The following HMCN2 variants were observed in gnomAD, a reference collection of about 807,000 sequenced individuals.
HMCN2 encodes hemicentin-2.
A neutral mutation model predicts 377.5 loss-of-function variants in HMCN2; 325 were observed. That is an observed-to-expected ratio of 0.86 (90% CI 0.79 to 0.94). HMCN2 has a LOEUF of 0.94. Ranked by LOEUF, HMCN2 falls within the 40% of genes least tolerant of loss-of-function variation. HMCN2 has a pLI of 0.00. For missense variants in HMCN2, 4,543 were observed against 4,725.3 expected (o/e 0.96, Z 1.13); for synonymous variants, 2,007 against 2,046.8 (o/e 0.98, Z 0.53).
Position 130,402,115 on chromosome 9 carries a change from G to A in HMCN2, c.11771-674G>A, listed in dbSNP as rs370891749. Among the ~76,000 whole-genome samples, 9 of 152,218 alleles carry A rather than the reference G, an allele frequency of 5.9e-5. No homozygotes were observed. In the South Asian group the frequency reaches 1.0e-3, roughly 18 times the overall value. The stretch of plus-strand genomic sequence containing the variant: ...AAACAAAAACTTCTTTCCAATAAGT[G>A]TAATAAGTGGTAACAGCAAAGTCCA... On this transcript the variant is annotated intron_variant, in intron 77 of 97. Transcript: ENST00000683500.
intron 85 of HMCN2, among the ~76,000 whole-genome samples, chr9:130,410,907 C>A (rs1843372559): frequency 6.6e-6 from 1 of 152,160 alleles, no homozygotes; most frequent in South Asian, 2.1e-4. Flanking sequence ...CCGTCAAGAT[C>A]ACCGCGACAG....
At chr9:130,384,279 G>A (rs1227496657) in intron 57 of HMCN2, 94 bp from the exon 58 acceptor site, 1 of 1,061,866 alleles carries the variant, frequency 9.4e-7, no homozygotes, top group Non-Finnish European at 1.2e-6. Flanking sequence ...GAAGCCCCAG[G>A]AGCTGGGTGA....
Position 130,423,200 on chromosome 9 carries a change from C to T in HMCN2, c.13381+474C>T, listed in dbSNP as rs1844119841. On this transcript the variant is annotated intron_variant, in intron 87 of 97. Transcript: ENST00000683500. The surrounding 1 kb of genome is among the most constrained non-coding windows in gnomAD (Gnocchi z 5.5). ...AACCTAGAGGACTAAGAAGAGTCACCTGCACACAGAGCTCTCATGTACGGT... is the reference window on the plus strand; with the variant it reads ...AACCTAGAGGACTAAGAAGAGTCACTTGCACACAGAGCTCTCATGTACGGT... 6.6e-6 allele frequency among the ~76,000 whole-genome samples: 1 copy of T among 152,156 alleles called. No homozygotes were observed. Among genetic ancestry groups the T allele is most frequent in the Non-Finnish European group, 1.5e-5 (1 of 68,026 alleles).
In HMCN2 at chr9:130,386,434, C is replaced by G; in HGVS notation, c.9310-9C>G. ...AGCACACAGCCACTGTGTGCTCTTC[C>G]TCTTTCAGGTATCGGATAAAGGTTT... On this transcript the variant is annotated splice_polypyrimidine_tract_variant and intron_variant, in intron 60 of 97. Coordinates refer to ENST00000683500, the MANE Select transcript of HMCN2 (RefSeq NM_001291815.2). The G allele has an allele frequency of 1.5e-6, 2 of 1,302,680 alleles. No homozygotes were observed. The highest frequency in any genetic ancestry group is 5.6e-5 in the East Asian group (1 of 18,018). 80.7% of individuals were successfully genotyped at this position (1,302,680 alleles called of 1,614,324 possible). A position where few individuals can be genotyped will look rare whatever the true frequency, so the allele number is the denominator to read the frequency against.
In HMCN2 at chr9:130,393,205, G is replaced by T; in HGVS notation, c.10137-7G>T. On this transcript the variant is annotated splice_region_variant and splice_polypyrimidine_tract_variant and intron_variant, in intron 66 of 97. Transcript: ENST00000683500. This position sits in a 1 kb window ranked among gnomAD's most constrained non-coding sequence, Gnocchi z 5.2. ...TCTCCTTCTCCCTCTCCTCTCGGGG[G>T]ATTCAGGATTTCCAAGGTGCAATTG... The T allele has an allele frequency of 1.0e-6, 1 of 987,968 alleles. No individual in the cohort carries two copies. The highest frequency in any genetic ancestry group is 1.2e-6 in the Non-Finnish European group (1 of 830,180). The allele number at this position is 987,968 out of a possible 1,614,324, so 61.2% of individuals were successfully genotyped here. A position where few individuals can be genotyped will look rare whatever the true frequency, so the allele number is the denominator to read the frequency against.
Position 130,425,907 on chromosome 9 carries a change from C to A in HMCN2, c.13862C>A (p.Ala4621Asp). Residue 4621 changes from alanine to aspartate, a missense_variant, in exon 90 of 98, where the codon GCT becomes GAT. Ala to Asp is a moderately radical substitution (Grantham distance 126). This residue lies in a region of HMCN2 where 1,155 missense variants were observed against 1,157.7 expected (regional missense o/e 1.00). Coordinates refer to ENST00000683500, the MANE Select transcript of HMCN2 (RefSeq NM_001291815.2). ...PEAEALRFQL[A>D]TALQAEENEV... is the part of the protein sequence containing the mutation. The stretch of plus-strand genomic sequence containing the variant: ...GCCGAGGCCCTGCGCTTCCAGCTCG[C>A]TACAGCCCTGCAGGCGGGTGAGGCC... 2 of 1,548,766 alleles carry A rather than the reference C, an allele frequency of 1.3e-6. No individual in the cohort carries two copies. Among genetic ancestry groups the A allele is most frequent in the Non-Finnish European group, 1.7e-6 (2 of 1,146,724 alleles).
intron 85 of HMCN2, among the ~76,000 whole-genome samples, chr9:130,416,238 G>A (rs1210917821): frequency 6.6e-6 from 1 of 151,586 alleles, no homozygotes; most frequent in East Asian, 1.9e-4. Context: ...CCAAATAGCT[G>A]GGATTACAGG....
chr9:130,307,534 G>C lies in HMCN2; in HGVS notation c.2168G>C (p.Gly723Ala), dbSNP rs782650222. 1.0e-4 allele frequency: 49 copies of C among 471,192 alleles called. No homozygotes were observed. Among genetic ancestry groups the C allele is most frequent in the South Asian group, 7.3e-4 (47 of 64,564 alleles). The allele number at this position is 471,192 out of a possible 1,614,324, so 29.2% of individuals were successfully genotyped here. ...GCTGTGTTGGTGTGTGAGGCATCTGGGGTTCCCCCGCCCCGAGTCATCTGG... is the reference window on the plus strand; with the variant it reads ...GCTGTGTTGGTGTGTGAGGCATCTGCGGTTCCCCCGCCCCGAGTCATCTGG... ...EEAVLVCEAS[G>A]VPPPRVIWYR... The change falls in exon 14 of 98, where the codon GGG becomes GCG. Residue 723 changes from glycine (G) to alanine (A), a missense_variant. Coordinates refer to ENST00000683500, the MANE Select transcript of HMCN2 (RefSeq NM_001291815.2).
Position 130,394,137 on chromosome 9 carries a change from T to G in HMCN2, c.10501+129T>G. On this transcript the variant is annotated intron_variant, in intron 68 of 97. Coordinates refer to ENST00000683500, the MANE Select transcript of HMCN2 (RefSeq NM_001291815.2). The surrounding 1 kb of genome is among the most constrained non-coding windows in gnomAD (Gnocchi z 5.1). ...TGGGACTGCCACCTGGGAGCAGAAC[T>G]CAGGGAACTTGGTTCTGGCTGGGAT... 1 of 915,544 alleles carries G rather than the reference T, an allele frequency of 1.1e-6. No individual in the cohort carries two copies. Among genetic ancestry groups the G allele is most frequent in the Non-Finnish European group, 1.4e-6 (1 of 693,842 alleles). The allele number at this position is 915,544 out of a possible 1,614,324, so 56.7% of individuals were successfully genotyped here. A position where few individuals can be genotyped will look rare whatever the true frequency, so the allele number is the denominator to read the frequency against.
At chr9:130,431,507 C>T (rs1477798917) in intron 96 of HMCN2, 21 bp downstream of exon 96, 32 of 1,545,544 alleles carry the variant, frequency 2.1e-5, no homozygotes, top group East Asian at 4.9e-5. Flanking sequence ...CTCAGGCCGC[C>T]GCCCAAACAC....
At position 130,295,034 on chromosome 9, in the gene HMCN2, C is replaced by G. The variant is rs1554931510; in HGVS notation, c.784+8C>G. On this transcript the variant is annotated splice_region_variant and intron_variant, in intron 5 of 97. Transcript: ENST00000683500. ...AAGTCCAAGATCCGCTGGGTATGGA[C>G]CACCCCGGGGCTGGCCTCCTCTTTG... 1 of 462,450 alleles carries G rather than the reference C, an allele frequency of 2.2e-6. No individual in the cohort carries two copies. The highest frequency in any genetic ancestry group is 1.6e-5 in the South Asian group (1 of 62,908). The allele number at this position is 462,450 out of a possible 1,614,324, so 28.6% of individuals were successfully genotyped here. A position where few individuals can be genotyped will look rare whatever the true frequency, so the allele number is the denominator to read the frequency against.
At chr9:130,363,212 G>A (rs1445531804) in intron 40 of HMCN2, among the ~76,000 whole-genome samples, 1 of 152,244 alleles carries the variant, frequency 6.6e-6, no homozygotes, top group Non-Finnish European at 1.5e-5. Context: ...CGCATAGCCA[G>A]GAGCTCTGCC....
intron 23 of HMCN2, among the ~76,000 whole-genome samples, chr9:130,340,885 T>C (rs987394861): frequency 9.8e-4 from 149 of 152,322 alleles, no homozygotes; most frequent in East Asian, 3.3e-3. Context: ...AGCTCAGCCC[T>C]AAGGGTTGAG....
rs751222181 is a variant in HMCN2, at chr9:130,418,938, C to A, written c.13128C>A (p.Ser4376Arg). 21 of 1,542,002 alleles carry A rather than the reference C, an allele frequency of 1.4e-5. No individual in the cohort carries two copies. In the African/African-American group the frequency reaches 2.7e-4, roughly 20 times the overall value. Reference protein sequence around the residue: ...SRRLRTLPDGSLWLENVETGD... With the variant: ...SRRLRTLPDGRLWLENVETGD... ...GGCTCCGGACCCTGCCCGATGGGAGCCTGTGGCTGGAGAACGTGGAGACTG... is the reference window on the plus strand; with the variant it reads ...GGCTCCGGACCCTGCCCGATGGGAGACTGTGGCTGGAGAACGTGGAGACTG... The change falls in exon 86 of 98, where the codon AGC becomes AGA. Residue 4376 changes from serine (S) to arginine (R), a missense_variant. Coordinates refer to ENST00000683500, the MANE Select transcript of HMCN2 (RefSeq NM_001291815.2).
intron 85 of HMCN2, among the ~76,000 whole-genome samples, chr9:130,418,286 C>T (rs1166243982): frequency 2.6e-5 from 4 of 152,162 alleles, no homozygotes; most frequent in African/African-American, 9.7e-5. Flanking sequence ...GATGGCCGGG[C>T]GTGGTGGCTC....
chr9:130,336,695 G>C (rs925911077), intron 22 of HMCN2, among the ~76,000 whole-genome samples: 10 of 152,310 alleles, frequency 6.6e-5, no homozygotes, highest in African/African-American at 2.2e-4. Flanking sequence ...AAGGATGGAG[G>C]GGGTGGCTGG....
intron 21 of HMCN2, among the ~76,000 whole-genome samples, chr9:130,327,014 A>G (rs1008327197): frequency 2.6e-5 from 4 of 151,594 alleles, no homozygotes; most frequent in Non-Finnish European, 5.9e-5. Context: ...AGCAGGATGA[A>G]GAGAAGCCAG....
In HMCN2 at chr9:130,361,111, A is replaced by G. The variant is rs1840364938; in HGVS notation, c.5950+507A>G. 6.6e-6 allele frequency among the ~76,000 whole-genome samples: 1 copy of G among 152,108 alleles called. No individual in the cohort carries two copies. Among genetic ancestry groups the G allele is most frequent in the Admixed American group, 6.5e-5 (1 of 15,278 alleles). On this transcript the variant is annotated intron_variant, in intron 38 of 97. Transcript: ENST00000683500. The surrounding 1 kb of genome is among the most constrained non-coding windows in gnomAD (Gnocchi z 4.8). Reference sequence around the variant, plus strand: ...TCCTTGATCCATTTTCTATCCAACCACACTTATTGAGTCCATGCTCTGGGG... The same window carrying G: ...TCCTTGATCCATTTTCTATCCAACCGCACTTATTGAGTCCATGCTCTGGGG...
intron 85 of HMCN2, among the ~76,000 whole-genome samples, chr9:130,416,322 C>A (rs1175807751): frequency 6.6e-6 from 1 of 152,070 alleles, no homozygotes; most frequent in Non-Finnish European, 1.5e-5. Flanking sequence ...CCCGGCTGGT[C>A]TCAAACTCCT....
Sources: allele counts gnomAD v4.1 joint callset (sites outside exome capture counted in the v4.1 genomes callset), GRCh38; gene constraint gnomAD v4.1.1; regional missense constraint gnomAD v4.1.1; non-coding constraint Gnocchi (gnomAD v3.1); transcripts MANE v1.5; gene names NCBI Gene and HGNC (gene_info 2026-07-23, HGNC 2026-07-21).